Variants in GALNT13 observed in about 807,000 individuals in gnomAD.
The protein encoded by GALNT13 is UDP-GalNAc:polypeptide N-acetylgalactosaminyltransferase 13.
In GALNT13, 28 loss-of-function variants were observed where a neutral mutation model predicts 64.2. The observed-to-expected ratio is 0.44, with a 90% confidence interval of 0.32 to 0.60. GALNT13 has a LOEUF of 0.60. Among genes scored for constraint, GALNT13 ranks in the 20% least tolerant of loss-of-function variants. GALNT13 has a pLI of 0.05. For missense variants in GALNT13, 577 were observed against 669.8 expected, an observed-to-expected ratio of 0.86 and a Z score of 1.53; for synonymous variants, 214 against 224.6, an observed-to-expected ratio of 0.95 and a Z score of 0.42.
chr2:154,337,556 AATT>A (rs1250913276), intron 9 of GALNT13, among the ~76,000 whole-genome samples: 6 of 152,072 alleles, frequency 3.9e-5, no homozygotes, highest in African/African-American at 1.4e-4. Flanking sequence ...ACATAGTGAT[AATT>A]ATTAACATTT....
chr2:153,301,328 A>G, the GALNT13 span, among the ~76,000 whole-genome samples: 3 of 150,742 alleles, frequency 2.0e-5, no homozygotes, highest in Non-Finnish European at 4.4e-5. Flanking sequence ...AGAAAAAAAA[A>G]AAGAGTCTGC....
chr2:153,776,060 T>G, the GALNT13 span, among the ~76,000 whole-genome samples: 1 of 152,304 alleles, frequency 6.6e-6, no homozygotes, highest in Non-Finnish European at 1.5e-5. Flanking sequence ...AATATTTTAA[T>G]GCAGATACTA....
At chr2:154,169,292 C>G (rs772624809) in intron 4 of GALNT13, among the ~76,000 whole-genome samples, 9 of 152,174 alleles carry the variant, frequency 5.9e-5, no homozygotes, top group Admixed American at 6.5e-5. Flanking sequence ...TTAGCCTACT[C>G]AAGTTGATAC....
intron 10 of GALNT13, among the ~76,000 whole-genome samples, chr2:154,400,060 AC>A (rs1699230427): frequency 6.6e-6 from 1 of 152,030 alleles, no homozygotes; most frequent in Non-Finnish European, 1.5e-5. Context: ...ACCAAGCACT[AC>A]CTCCCAATTC....
At chr2:154,262,730 A>C in intron 8 of GALNT13, among the ~76,000 whole-genome samples, 1 of 152,310 alleles carries the variant, frequency 6.6e-6, no homozygotes, top group South Asian at 2.1e-4. Context: ...TAAACAAAAT[A>C]AATAAAATTT....
At chr2:154,312,339 C>T (rs1463453456) in intron 9 of GALNT13, among the ~76,000 whole-genome samples, 1 of 152,138 alleles carries the variant, frequency 6.6e-6, no homozygotes, top group Non-Finnish European at 1.5e-5. Flanking sequence ...TTTTTTTTCC[C>T]CAATTGCTGG....
At chr2:153,233,223 G>T in the GALNT13 span, among the ~76,000 whole-genome samples, 2 of 152,062 alleles carry the variant, frequency 1.3e-5, no homozygotes, top group Non-Finnish European at 2.9e-5. Flanking sequence ...TCAGAAGTTG[G>T]CATGGTTCTT....
the GALNT13 span, among the ~76,000 whole-genome samples, chr2:153,638,422 A>AAAG: frequency 8.1e-5 from 7 of 86,698 alleles, no homozygotes; most frequent in South Asian, 9.2e-4. Context: ...GGTTGCCTGG[A>AAAG]CACCCGGGAT....
At chr2:153,331,168 A>C in the GALNT13 span, among the ~76,000 whole-genome samples, 1 of 151,796 alleles carries the variant, frequency 6.6e-6, no homozygotes, top group Admixed American at 6.6e-5. Flanking sequence ...TGTTAAATTC[A>C]GTTTGCTAAT....
chr2:153,586,134 GGAA>G, the GALNT13 span, among the ~76,000 whole-genome samples: 1 of 151,940 alleles, frequency 6.6e-6, no homozygotes, highest in Non-Finnish European at 1.5e-5. Context: ...CAGAGAAAAA[GGAA>G]GACAATTCAC....
At chr2:153,478,200 G>A in the GALNT13 span, 2 of 1,553,266 alleles carry the variant, frequency 1.3e-6, no homozygotes, top group Non-Finnish European at 1.8e-6. Flanking sequence ...AAAGTGGGCA[G>A]GCGTGGGAGC....
chr2:154,100,780 C>T (rs10804101), intron 3 of GALNT13, among the ~76,000 whole-genome samples: 48,204 of 151,790 alleles, frequency 0.32, 8,191 homozygotes, highest in Non-Finnish European at 0.39. Flanking sequence ...TTGTCTCTTT[C>T]CAGTTCGTAG....
chr2:153,128,465 TGG>T, the GALNT13 span, among the ~76,000 whole-genome samples: 21 of 151,822 alleles, frequency 1.4e-4, no homozygotes, highest in African/African-American at 5.1e-4. Flanking sequence ...TTATTTCCCA[TGG>T]GGTACCTCCC....
chr2:153,283,466 A>G, the GALNT13 span, among the ~76,000 whole-genome samples: 3 of 152,150 alleles, frequency 2.0e-5, no homozygotes, highest in Non-Finnish European at 4.4e-5. Flanking sequence ...ATGCCTGGTC[A>G]TGTGTTGAAG....
At chr2:153,721,200 C>T in the GALNT13 span, among the ~76,000 whole-genome samples, 134 of 148,922 alleles carry the variant, frequency 9.0e-4, no homozygotes, top group Admixed American at 2.1e-3. Context: ...AATTTCATAT[C>T]CAGCCAAACT....
chr2:154,008,995 A>C (rs1227581207), intron 3 of GALNT13, among the ~76,000 whole-genome samples: 2 of 152,116 alleles, frequency 1.3e-5, no homozygotes, highest in Non-Finnish European at 2.9e-5. Flanking sequence ...GTTCTATTTT[A>C]AGTTCTTTGA....
At chr2:153,255,120 C>T in the GALNT13 span, among the ~76,000 whole-genome samples, 2 of 151,790 alleles carry the variant, frequency 1.3e-5, no homozygotes, top group East Asian at 3.9e-4. Flanking sequence ...CTTTGTAGGT[C>T]ACTCAGGACT....
chr2:154,025,452 C>T (rs1006500207), intron 3 of GALNT13, among the ~76,000 whole-genome samples: 1 of 152,186 alleles, frequency 6.6e-6, no homozygotes, highest in African/African-American at 2.4e-5. Context: ...CACACAGACA[C>T]ATAACACATT....
chr2:153,846,440 G>A, the GALNT13 span, among the ~76,000 whole-genome samples: 1 of 152,078 alleles, frequency 6.6e-6, no homozygotes, highest in East Asian at 1.9e-4. Flanking sequence ...AAGCCAATAA[G>A]GGTTAAAAAT....
Sources: gnomAD v4.1 joint callset for allele counts (sites outside exome capture counted in the v4.1 genomes callset) on GRCh38, gnomAD v4.1.1 for gene constraint, MANE v1.5 for transcripts, NCBI Gene and HGNC (gene_info 2026-07-23, HGNC 2026-07-21) for gene names.